ASTN1: variants seen among roughly 807,000 people sequenced by gnomAD.
ASTN1 encodes astrotactin 1.
A neutral mutation model predicts 140.7 loss-of-function variants in ASTN1; 41 were observed. The observed-to-expected ratio is 0.29, with a 90% CI of 0.23 to 0.38. The LOEUF is 0.38. Ranked by LOEUF, ASTN1 falls within the 10% of genes least tolerant of loss-of-function variation. The pLI, the probability that ASTN1 is intolerant of heterozygous loss-of-function variation, is 1.00. For missense variants in ASTN1, 1,479 were observed against 1,678.8 expected, an observed-to-expected ratio of 0.88 and a Z score of 2.08; for synonymous variants, 640 against 652.2, an observed-to-expected ratio of 0.98 and a Z score of 0.29.
At chr1:177,076,999 C>T (rs1432975066) in intron 1 of ASTN1, among the ~76,000 whole-genome samples, 1 of 152,174 alleles carries the variant, frequency 6.6e-6, no homozygotes, top group Non-Finnish European at 1.5e-5. Flanking sequence ...ATCTCAATTG[C>T]TTCAGTTTTC....
At position 176,868,935 on chromosome 1, in the gene ASTN1, G is replaced by C; in HGVS notation, c.3556C>G (p.Pro1186Ala). Residue 1186 changes from proline (P) to alanine (A), a missense_variant, in exon 22 of 23, where the codon CCC (proline) becomes GCC (alanine). Physicochemically the swap from Pro to Ala is conservative, Grantham distance 27. Coordinates refer to ENST00000361833, the MANE Select transcript of ASTN1 (RefSeq NM_004319.3). ...TGGTAGAGGACCCGGTGTAAGGTGG[G>C]GGAACCCAGATCCAGGAGGGTGTTG... ...AYNTLLDLGS[P>A]TLHRVLYHYN... 6.2e-7 allele frequency: 1 copy of C among 1,612,614 alleles called. No homozygotes were observed. Among genetic ancestry groups the C allele is most frequent in the Non-Finnish European group, 8.5e-7 (1 of 1,179,016 alleles).
intron 18 of ASTN1, among the ~76,000 whole-genome samples, chr1:176,885,408 C>T (rs1255132985): frequency 6.6e-6 from 1 of 152,174 alleles, no homozygotes; most frequent in African/African-American, 2.4e-5. Flanking sequence ...TCACAGCCAC[C>T]TTCTGATTTC....
chr1:177,001,047 G>A (rs1301392259), intron 8 of ASTN1, among the ~76,000 whole-genome samples: 2 of 152,168 alleles, frequency 1.3e-5, no homozygotes, highest in Admixed American at 1.3e-4. Context: ...GAAAACAGAG[G>A]TCTGTGGATG....
intron 1 of ASTN1, among the ~76,000 whole-genome samples, chr1:177,154,864 T>C (rs563050017): frequency 1.3e-5 from 2 of 152,252 alleles, no homozygotes; most frequent in South Asian, 4.1e-4. Flanking sequence ...GTCAAATCTC[T>C]GCATGAGATT....
rs556917134 is a variant in ASTN1 at position 177,011,731 on chromosome 1, G to A, written c.1523+3060C>T. ...TGCATACACACATGCACACACATGC[G>A]TGCACACACACAAACACACACACAT... On this transcript the variant is annotated intron_variant, in intron 8 of 22. Transcript: ENST00000361833. 8.0e-5 allele frequency among the ~76,000 whole-genome samples: 12 copies of A among 150,432 alleles called. No individual in the cohort carries two copies. In the East Asian group the frequency reaches 1.4e-3, roughly 17 times the overall value.
At chr1:177,083,447 G>GA (rs1031061546) in intron 1 of ASTN1, among the ~76,000 whole-genome samples, 23 of 149,990 alleles carry the variant, frequency 1.5e-4, no homozygotes, top group Non-Finnish European at 2.4e-4. Context: ...GCGCCATTGA[G>GA]AAAAAAAAAT....
intron 5 of ASTN1, among the ~76,000 whole-genome samples, chr1:177,027,561 T>G (rs2101965642): frequency 6.7e-6 from 1 of 150,302 alleles, no homozygotes; most frequent in Non-Finnish European, 1.5e-5. Flanking sequence ...GCGTATATAT[T>G]TATAACTTGA....
chr1:176,880,622 A>G (rs937970444), intron 20 of ASTN1, among the ~76,000 whole-genome samples: 1 of 152,240 alleles, frequency 6.6e-6, no homozygotes, highest in Non-Finnish European at 1.5e-5. Flanking sequence ...TGTTTTAAAA[A>G]GCATTAAATA....
At chr1:177,016,863 G>A (rs1005683431) in intron 7 of ASTN1, among the ~76,000 whole-genome samples, 6 of 152,112 alleles carry the variant, frequency 3.9e-5, no homozygotes, top group Non-Finnish European at 7.4e-5. Context: ...TTTTCCTTTC[G>A]GGAAAGACAC....
chr1:176,887,071 T>A (rs915866701), intron 18 of ASTN1, among the ~76,000 whole-genome samples: 1 of 152,156 alleles, frequency 6.6e-6, no homozygotes, highest in African/African-American at 2.4e-5. Flanking sequence ...CTTCATCCTC[T>A]TCACCCCTCA....
At chr1:177,122,190 G>A (rs1681426151) in intron 1 of ASTN1, among the ~76,000 whole-genome samples, 1 of 152,166 alleles carries the variant, frequency 6.6e-6, no homozygotes, top group Non-Finnish European at 1.5e-5. Context: ...GGTAAACTTT[G>A]TGTTGCAGAG....
At chr1:176,993,942 G>A (rs1236053135) in intron 8 of ASTN1, among the ~76,000 whole-genome samples, 1 of 152,028 alleles carries the variant, frequency 6.6e-6, no homozygotes, top group Non-Finnish European at 1.5e-5. Flanking sequence ...TTATAGTTCC[G>A]ATGGAGATTC....
At chr1:177,055,387 T>C (rs1359807868) in intron 2 of ASTN1, among the ~76,000 whole-genome samples, 2 of 152,216 alleles carry the variant, frequency 1.3e-5, no homozygotes, top group Non-Finnish European at 2.9e-5. Context: ...AGCCAAACCT[T>C]AGTTGGCACT....
In ASTN1 at chr1:176,863,017, C is replaced by T; in HGVS notation, c.*1267G>A. On this transcript the variant is annotated 3_prime_UTR_variant, in exon 23 of 23. Coordinates refer to ENST00000361833, the MANE Select transcript of ASTN1 (RefSeq NM_004319.3). ...TGCTAGTCAACAGGGCCTTGCCAGG[C>T]TCTTTCTGAAAGGCTGGGCTTCCTG... is the stretch of plus-strand genomic sequence containing the variant. 1 of 985,512 alleles carries T rather than the reference C, an allele frequency of 1.0e-6. No individual in the cohort carries two copies. The highest frequency in any genetic ancestry group is 1.2e-6 in the Non-Finnish European group (1 of 829,952). The allele number at this position is 985,512 out of a possible 1,614,324, so 61.0% of individuals were successfully genotyped here.
intron 14 of ASTN1, among the ~76,000 whole-genome samples, chr1:176,938,560 T>C (rs1259155012): frequency 6.6e-6 from 1 of 152,206 alleles, no homozygotes; most frequent in Non-Finnish European, 1.5e-5. Flanking sequence ...CCATAACTTC[T>C]TGTTCTCGCA....
Position 177,126,715 on chromosome 1 carries a change from C to T in ASTN1, c.283+37679G>A, listed in dbSNP as rs147361178. ...CCTGAAGCAAAGGCCATTATGATAA[C>T]GTGTCATCATGCATCACTTCTCATT... On this transcript the variant is annotated intron_variant, in intron 1 of 22. Coordinates refer to ENST00000361833, the MANE Select transcript of ASTN1 (RefSeq NM_004319.3). Among the ~76,000 whole-genome samples, 199 of 152,288 alleles carry T rather than the reference C, an allele frequency of 1.3e-3. 6 individuals carry two copies. In the East Asian group the frequency reaches 0.037, roughly 28 times the overall value.
At chr1:177,150,684 C>T (rs1361642753) in intron 1 of ASTN1, among the ~76,000 whole-genome samples, 1 of 151,964 alleles carries the variant, frequency 6.6e-6, no homozygotes, top group Non-Finnish European at 1.5e-5. Flanking sequence ...GGGTGTGACC[C>T]TAGTTATGGG....
At chr1:176,941,513 A>G (rs559205788) in intron 14 of ASTN1, among the ~76,000 whole-genome samples, 2 of 152,304 alleles carry the variant, frequency 1.3e-5, no homozygotes, top group African/African-American at 4.8e-5. Context: ...TTTGCCTCCA[A>G]TGGGCCAAAT....
At chr1:176,947,034 CCA>C (rs759328169) in intron 12 of ASTN1, among the ~76,000 whole-genome samples, 3 of 152,180 alleles carry the variant, frequency 2.0e-5, no homozygotes, top group African/African-American at 7.2e-5. Flanking sequence ...TTATTCCTAT[CCA>C]CAGTCACTGT....
Sources: gnomAD v4.1 joint callset for allele counts (sites outside exome capture counted in the v4.1 genomes callset) on GRCh38, gnomAD v4.1.1 for gene constraint, MANE v1.5 for transcripts, NCBI Gene and HGNC (gene_info 2026-07-23, HGNC 2026-07-21) for gene names.